Variants in MOSPD2 observed in about 807,000 individuals in gnomAD.
MOSPD2 encodes the protein motile sperm domain containing 2.
A neutral mutation model predicts 41.7 loss-of-function variants in MOSPD2; 5 were observed. The ratio of observed to expected loss-of-function variants is 0.12; its 90% confidence interval spans 0.06 to 0.25. MOSPD2 has a LOEUF of 0.25. Among genes scored for constraint, MOSPD2 ranks in the 10% least tolerant of loss-of-function variants. MOSPD2 has a pLI of 1.00. For missense variants in MOSPD2, 282 were observed against 375.2 expected, an observed-to-expected ratio of 0.75 and a Z score of 2.05; for synonymous variants, 115 against 126.9, an observed-to-expected ratio of 0.91 and a Z score of 0.63.
chrX:14,873,445 G>A lies in MOSPD2; in HGVS notation c.-84G>A. On this transcript the variant is annotated 5_prime_UTR_variant, in exon 1 of 15. Coordinates refer to ENST00000380492, the MANE Select transcript of MOSPD2 (RefSeq NM_152581.4). ...CACCCTTCTCTGTCTACCTCTGGGCGGGACTGCCGGGTGATGAGATACTCG... is the reference window on the plus strand; with the variant it reads ...CACCCTTCTCTGTCTACCTCTGGGCAGGACTGCCGGGTGATGAGATACTCG... 1 of 1,181,329 alleles carries A rather than the reference G, an allele frequency of 8.5e-7. No individual in the cohort carries two copies.
Position 14,910,672 on chromosome X carries a change from T to C in MOSPD2, c.703-565T>C, listed in dbSNP as rs575689554. Among the ~76,000 whole-genome samples, 50 of 111,725 alleles carry C rather than the reference T, an allele frequency of 4.5e-4. No individual in the cohort carries two copies. The South Asian group carries it at 0.017, about 39-fold the overall frequency. ...TTTAGATAGCTGTTGCCAAATTTCC[T>C]CTAAAGAGATTGTGCCCATTTACCA... On this transcript the variant is annotated intron_variant, in intron 8 of 14. Coordinates refer to ENST00000380492, the MANE Select transcript of MOSPD2 (RefSeq NM_152581.4).
In MOSPD2 at chrX:14,911,266, A is replaced by G. The variant is rs769441340; in HGVS notation, c.732A>G (p.Leu244=). ...TDPFKYSYPP[L]VDDDFQTPLC... ...CTTTCAAGTATAGCTATCCACCACTAGTAGATGATGACTTCCAGACCCCAC... is the reference window on the plus strand; with the variant it reads ...CTTTCAAGTATAGCTATCCACCACTGGTAGATGATGACTTCCAGACCCCAC... The change falls in exon 9 of 15, where the codon CTA becomes CTG. Residue 244 remains leucine, a synonymous_variant. Transcript: ENST00000380492. 14 of 1,202,168 alleles carry G rather than the reference A, an allele frequency of 1.2e-5. No homozygotes were observed. The Middle Eastern group carries it at 1.2e-3, about 99-fold the overall frequency.
rs777872789 is a variant in MOSPD2, at chrX:14,918,691, A to G, written c.1328A>G (p.His443Arg). 30 of 1,179,706 alleles carry G rather than the reference A, an allele frequency of 2.5e-5. No individual in the cohort carries two copies. The highest frequency in any genetic ancestry group is 3.3e-5 in the Non-Finnish European group (29 of 871,137). ...TTGGATTTTAATAGGTTAAGATGCC[A>G]TACTGTTGAAAGCAGTAAACCAAAC... is the stretch of plus-strand genomic sequence containing the variant. ...NKVMEHRLRC[H>R]TVESSKPNTL... The change falls in exon 14 of 15, where the codon CAT becomes CGT. Residue 443 changes from histidine to arginine, a missense_variant. By Grantham distance (29) the His-to-Arg change is conservative. Around this residue, in one of 3 missense-constraint regions of MOSPD2, gnomAD observed 94 missense variants for 102.1 expected, o/e 0.92. Coordinates refer to ENST00000380492, the MANE Select transcript of MOSPD2 (RefSeq NM_152581.4).
At chrX:14,886,514 CACACACACA>C (rs1253277733) in intron 2 of MOSPD2, among the ~76,000 whole-genome samples, 1 of 105,302 alleles carries the variant, frequency 9.5e-6, no homozygotes, top group Non-Finnish European at 1.9e-5. Context: ...CACACACATA[CACACACACA>C]CACACACATG....
chrX:14,900,077 TA>T (rs1236115670), intron 5 of MOSPD2, among the ~76,000 whole-genome samples: 3 of 112,192 alleles, frequency 2.7e-5, no homozygotes, highest in African/African-American at 6.5e-5. Context: ...GTATTGTGTT[TA>T]AAAAAGGTTG....
In MOSPD2 at chrX:14,920,668, C is replaced by T. The variant is rs1432431946; in HGVS notation, c.*859C>T. The T allele has an allele frequency of 3.1e-5, 23 of 751,884 alleles. No homozygotes were observed. Among genetic ancestry groups the T allele is most frequent in the Non-Finnish European group, 3.0e-5 (19 of 638,890 alleles). The allele number at this position is 751,884 out of a possible 1,213,427, so 62.0% of individuals were successfully genotyped here. On this transcript the variant is annotated 3_prime_UTR_variant, in exon 15 of 15. Coordinates refer to ENST00000380492, the MANE Select transcript of MOSPD2 (RefSeq NM_152581.4). ...CTATTGTCCCATCTTCACCCCCATT[C>T]CAGAGCAGAGGAGTCTCTGTGGACC...
At chrX:14,882,372 T>G (rs138173558) in intron 2 of MOSPD2, among the ~76,000 whole-genome samples, 1 of 110,961 alleles carries the variant, frequency 9.0e-6, no homozygotes, top group African/African-American at 3.3e-5. Context: ...TCAAGAGATA[T>G]GAGTCAAAGG....
intron 2 of MOSPD2, among the ~76,000 whole-genome samples, chrX:14,879,590 G>A (rs1046061208): frequency 9.0e-6 from 1 of 111,093 alleles, no homozygotes; most frequent in African/African-American, 3.3e-5. Flanking sequence ...ACTTTTGGGG[G>A]GTCTGCAATT....
intron 2 of MOSPD2, among the ~76,000 whole-genome samples, chrX:14,888,648 A>G (rs910351453): frequency 3.6e-5 from 4 of 111,072 alleles, no homozygotes; most frequent in African/African-American, 1.3e-4. Flanking sequence ...GTAAATATAT[A>G]TATCTATCCT....
intron 2 of MOSPD2, among the ~76,000 whole-genome samples, chrX:14,879,582 T>C (rs1263909063): frequency 9.0e-6 from 1 of 111,105 alleles, no homozygotes; most frequent in Admixed American, 9.6e-5. Context: ...ACAAAGAAAC[T>C]TTTGGGGGGT....
At chrX:14,875,336 T>A (rs1304748464) in intron 2 of MOSPD2, among the ~76,000 whole-genome samples, 2 of 112,182 alleles carry the variant, frequency 1.8e-5, no homozygotes, top group Non-Finnish European at 3.8e-5. Flanking sequence ...ATCCCAATTC[T>A]TTATGGTGGC....
chrX:14,915,780 G>A lies in MOSPD2; in HGVS notation c.1186+16G>A. 4.3e-6 allele frequency: 5 copies of A among 1,166,981 alleles called. No homozygotes were observed. The highest frequency in any genetic ancestry group is 5.8e-6 in the Non-Finnish European group (5 of 856,681). ...CCCCATGGGGGTGAGTTGTCACTTA[G>A]TAGCCACAGCAGGTGTTGGGTGTGG... On this transcript the variant is annotated intron_variant, in intron 12 of 14. Transcript: ENST00000380492.
intron 10 of MOSPD2, 84 bp downstream of exon 10, chrX:14,912,445 A>G: frequency 6.2e-6 from 4 of 640,793 alleles, no homozygotes; most frequent in South Asian, 4.5e-5. Context: ...GAAAACTTCT[A>G]TTTGGTTTTT....
intron 2 of MOSPD2, among the ~76,000 whole-genome samples, chrX:14,882,747 G>T (rs1301654930): frequency 9.2e-6 from 1 of 108,929 alleles, no homozygotes; most frequent in Non-Finnish European, 1.9e-5. Context: ...ATTTTTGAAT[G>T]TTTCTTTTCA....
intron 2 of MOSPD2, among the ~76,000 whole-genome samples, chrX:14,888,202 ACACG>A (rs68183869): frequency 0.18 from 7,473 of 40,601 alleles, 257 homozygotes; most frequent in Non-Finnish European, 0.23. Flanking sequence ...ATATACACAC[ACACG>A]CACACACACA....
intron 8 of MOSPD2, among the ~76,000 whole-genome samples, chrX:14,909,635 A>G (rs1200549445): frequency 8.9e-6 from 1 of 111,839 alleles, no homozygotes; most frequent in Non-Finnish European, 1.9e-5. Flanking sequence ...ACTACTTATA[A>G]AAAAACTGTA....
rs2092609131 is a variant in MOSPD2, at chrX:14,921,231, GTGT to G, written c.*1428_*1430del. ...GATTTTATTACTATTCTGAAGGGTA[GTGT>G]TGTTGGTTTTCATCTTCAAGAAGTT... On this transcript the variant is annotated 3_prime_UTR_variant, in exon 15 of 15. Coordinates refer to ENST00000380492, the MANE Select transcript of MOSPD2 (RefSeq NM_152581.4). 2.2e-6 allele frequency: 2 copies of G among 921,776 alleles called. No individual in the cohort carries two copies. Among genetic ancestry groups the G allele is most frequent in the African/African-American group, 2.0e-5 (1 of 49,090 alleles). 76.0% of individuals were successfully genotyped at this position (921,776 alleles called of 1,213,427 possible).
chrX:14,907,244 T>C (rs1246217560), intron 7 of MOSPD2, among the ~76,000 whole-genome samples: 2 of 111,832 alleles, frequency 1.8e-5, no homozygotes, highest in South Asian at 3.7e-4. Flanking sequence ...TATGGAGACA[T>C]TGGAAGCCTC....
At chrX:14,909,287 C>T (rs1294098480) in intron 8 of MOSPD2, among the ~76,000 whole-genome samples, 2 of 111,536 alleles carry the variant, frequency 1.8e-5, no homozygotes, top group Non-Finnish European at 1.9e-5. Flanking sequence ...CCCTCCCCAG[C>T]TGAATTTCTT....
Sources: allele counts gnomAD v4.1 joint callset (sites outside exome capture counted in the v4.1 genomes callset), GRCh38; gene constraint gnomAD v4.1.1; regional missense constraint gnomAD v4.1.1; transcripts MANE v1.5; gene names NCBI Gene and HGNC (gene_info 2026-07-23, HGNC 2026-07-21).